Variants in RORA observed in about 807,000 individuals in gnomAD.
RORA encodes RAR related orphan receptor A, also known as nuclear receptor ROR-alpha.
RORA carries 7 observed loss-of-function variants against 69.5 expected under a neutral mutation model. The ratio of observed to expected loss-of-function variants is 0.10; its 90% CI spans 0.06 to 0.19. RORA has a LOEUF of 0.19. RORA is among the 10% of genes least tolerant of loss of function. The pLI is 1.00. For missense variants in RORA, 457 were observed against 663.0 expected (o/e 0.69, Z 3.41); for synonymous variants, 261 against 240.8 (o/e 1.08, Z -0.78).
intron 1 of RORA, among the ~76,000 whole-genome samples, chr15:61,084,525 C>A (rs1349537629): frequency 6.6e-6 from 1 of 152,184 alleles, no homozygotes; most frequent in African/African-American, 2.4e-5. Context: ...GTGGGACTTG[C>A]TATATCTTCT....
rs192839776 is a variant in RORA at position 61,131,768 on chromosome 15, A to G, written c.166+97285T>C. The stretch of plus-strand genomic sequence containing the variant: ...ATTCCAACGTGGGCAGGGCTGGGGA[A>G]GGAGTAGGGCAGGAGTGAGAAAAAT... On this transcript the variant is annotated intron_variant, in intron 1 of 10. Coordinates refer to ENST00000335670, the MANE Select transcript of RORA (RefSeq NM_134261.3). The surrounding 1 kb of genome is among the most constrained non-coding windows in gnomAD (Gnocchi z 4.2). 1.1e-3 allele frequency among the ~76,000 whole-genome samples: 160 copies of G among 152,342 alleles called. No individual in the cohort carries two copies. The highest frequency in any genetic ancestry group is 3.5e-3 in the African/African-American group (144 of 41,588).
At chr15:60,527,548 A>T (rs1460249621) in intron 3 of RORA, among the ~76,000 whole-genome samples, 1 of 152,136 alleles carries the variant, frequency 6.6e-6, no homozygotes, top group African/African-American at 2.4e-5. Flanking sequence ...TGCTCACCCA[A>T]GGCTGAAACT....
intron 1 of RORA, among the ~76,000 whole-genome samples, chr15:60,858,721 A>G (rs1009333902): frequency 7.2e-5 from 11 of 151,962 alleles, no homozygotes; most frequent in Admixed American, 6.6e-5. Flanking sequence ...ACACACACAC[A>G]CACAAAAGCA....
At chr15:60,920,399 G>A (rs1321365753) in intron 1 of RORA, among the ~76,000 whole-genome samples, 1 of 152,118 alleles carries the variant, frequency 6.6e-6, no homozygotes, top group Non-Finnish European at 1.5e-5. Flanking sequence ...TTGAACCTAT[G>A]CCCATTTGTA....
rs1349858314 is a variant in RORA, at chr15:60,497,169, T to C, written c.*286A>G. 3.6e-6 allele frequency: 1 copy of C among 277,706 alleles called. No homozygotes were observed. The highest frequency in any genetic ancestry group is 2.2e-5 in the African/African-American group (1 of 45,686). 17.2% of individuals were successfully genotyped at this position (277,706 alleles called of 1,614,324 possible). ...ACAAGAAAAGGAAATCCTCCGACTT[T>C]AGTACCCTCCTCCTGTTGTAAACAG... On this transcript the variant is annotated 3_prime_UTR_variant, in exon 11 of 11. Transcript: ENST00000335670.
At chr15:60,913,065 A>T (rs1481046095) in intron 1 of RORA, among the ~76,000 whole-genome samples, 1 of 152,208 alleles carries the variant, frequency 6.6e-6, no homozygotes, top group Non-Finnish European at 1.5e-5. Flanking sequence ...CCATTATAGC[A>T]CTATAGGGTT....
Position 60,531,513 on chromosome 15 carries a change from CTG to C in RORA, c.282+251_282+252del, listed in dbSNP as rs2066524829. The C allele has an allele frequency of 2.5e-6, 1 of 393,842 alleles. No homozygotes were observed. Among genetic ancestry groups the C allele is most frequent in the Non-Finnish European group, 4.5e-6 (1 of 224,684 alleles). 24.4% of individuals were successfully genotyped at this position (393,842 alleles called of 1,614,324 possible). A position where few individuals can be genotyped will look rare whatever the true frequency, so the allele number is the denominator to read the frequency against. On this transcript the variant is annotated intron_variant, in intron 3 of 10. Coordinates refer to ENST00000335670, the MANE Select transcript of RORA (RefSeq NM_134261.3). This position sits in a 1 kb window ranked among gnomAD's most constrained non-coding sequence, Gnocchi z 4.8. Reference sequence around the variant, plus strand: ...ACAGAGATTGCTCATGAGTTCAACTCTGGGGTTGAAAGTGATAAACAAGCAAT... The same window carrying C: ...ACAGAGATTGCTCATGAGTTCAACTCGGGTTGAAAGTGATAAACAAGCAAT...
chr15:60,976,132 T>C (rs1209975175), intron 1 of RORA, among the ~76,000 whole-genome samples: 1 of 152,202 alleles, frequency 6.6e-6, no homozygotes. Flanking sequence ...GTCATTTCAC[T>C]AATGAGATTG....
intron 1 of RORA, among the ~76,000 whole-genome samples, chr15:61,108,822 T>C (rs1354443032): frequency 6.6e-6 from 1 of 152,226 alleles, no homozygotes; most frequent in African/African-American, 2.4e-5. Flanking sequence ...AAACCCTGTT[T>C]TGCTATCTCA....
At chr15:60,856,563 T>C (rs1013159853) in intron 1 of RORA, among the ~76,000 whole-genome samples, 1 of 151,682 alleles carries the variant, frequency 6.6e-6, no homozygotes, top group African/African-American at 2.4e-5. Context: ...AGATAAGTCA[T>C]CGATGCAAAT....
chr15:61,191,922 G>A (rs1302231114), intron 1 of RORA, among the ~76,000 whole-genome samples: 1 of 152,224 alleles, frequency 6.6e-6, no homozygotes, highest in Non-Finnish European at 1.5e-5. Context: ...TTCAAGCTTC[G>A]CTTCTCTAAG....
At chr15:61,093,805 G>T (rs1047864648) in intron 1 of RORA, among the ~76,000 whole-genome samples, 1 of 152,148 alleles carries the variant, frequency 6.6e-6, no homozygotes. Flanking sequence ...GTTCCACAAG[G>T]TCTACAAGTA....
chr15:60,726,777 A>G (rs530911094), intron 1 of RORA, among the ~76,000 whole-genome samples: 60 of 152,328 alleles, frequency 3.9e-4, no homozygotes, highest in African/African-American at 1.4e-3. Flanking sequence ...CTCTAACAGA[A>G]AAATGTTATT....
intron 1 of RORA, among the ~76,000 whole-genome samples, chr15:60,820,409 A>C (rs2072878670): frequency 6.6e-6 from 1 of 152,162 alleles, no homozygotes; most frequent in Admixed American, 6.5e-5. Flanking sequence ...CCCTAGCTTT[A>C]AGGGTGTTGG....
chr15:60,603,755 C>T lies in RORA; in HGVS notation c.197-71904G>A, dbSNP rs111849930. Among the ~76,000 whole-genome samples the T allele has an allele frequency of 3.9e-3, 601 of 152,324 alleles. 6 individuals carry two copies. Among genetic ancestry groups the T allele is most frequent in the African/African-American group, 0.014 (573 of 41,566 alleles). On this transcript the variant is annotated intron_variant, in intron 2 of 10. Transcript: ENST00000335670. ...GTATTTTCTCCATTAAGACATATCA[C>T]AATCTTCTCGCGCTTGAACACTAGA...
chr15:61,030,629 G>T (rs1896113064), intron 1 of RORA, among the ~76,000 whole-genome samples: 1 of 152,098 alleles, frequency 6.6e-6, no homozygotes, highest in African/African-American at 2.4e-5. Context: ...GTCAATCAGA[G>T]AATTAGAAGA....
intron 2 of RORA, among the ~76,000 whole-genome samples, chr15:60,608,899 T>C (rs1225894443): frequency 6.6e-6 from 1 of 152,206 alleles, no homozygotes; most frequent in African/African-American, 2.4e-5. Flanking sequence ...CCTGGTCATC[T>C]GATGGGGGTT....
chr15:61,174,874 C>T (rs1180732914), intron 1 of RORA, among the ~76,000 whole-genome samples: 1 of 152,142 alleles, frequency 6.6e-6, no homozygotes, highest in Non-Finnish European at 1.5e-5. Flanking sequence ...GGTGGTATTA[C>T]CATCATTTTC....
chr15:61,170,392 T>C (rs991667077), intron 1 of RORA, among the ~76,000 whole-genome samples: 19 of 152,198 alleles, frequency 1.2e-4, no homozygotes, highest in Admixed American at 6.5e-4. Flanking sequence ...CCTGTTTGTG[T>C]GTCCTGTGCT....
Sources: gnomAD v4.1 joint callset for allele counts (sites outside exome capture counted in the v4.1 genomes callset) on GRCh38, gnomAD v4.1.1 for gene constraint, Gnocchi (gnomAD v3.1) non-coding constraint, MANE v1.5 for transcripts, NCBI Gene and HGNC (gene_info 2026-07-23, HGNC 2026-07-21) for gene names.